The following PCBP3 variants were observed in gnomAD, a reference collection of about 807,000 sequenced individuals.
PCBP3 encodes poly(rC)-binding protein 3.
PCBP3 carries 25 observed loss-of-function variants against 52.7 expected under a neutral mutation model. That is an observed-to-expected ratio of 0.47 (90% CI 0.35 to 0.66). The LOEUF (loss-of-function observed/expected upper bound fraction) is 0.66. Ranked by LOEUF, PCBP3 falls within the 30% of genes least tolerant of loss-of-function variation. The pLI is 0.01. For synonymous variants in PCBP3, 162 were observed against 183.0 expected, an observed-to-expected ratio of 0.89 and a Z score of 0.93; for missense variants, 391 against 490.3, an observed-to-expected ratio of 0.80 and a Z score of 1.91.
Position 45,780,118 on chromosome 21 carries a change from CA to C in PCBP3, c.-126+24667del, listed in dbSNP as rs536959339. 2.4e-4 allele frequency among the ~76,000 whole-genome samples: 37 copies of C among 152,284 alleles called. No individual in the cohort carries two copies. The East Asian group carries it at 3.3e-3, about 13-fold the overall frequency. On this transcript the variant is annotated intron_variant, in intron 4 of 17. Transcript: ENST00000681687. ...GTCATTTATAAAAATTACAGTAGATCAGGAATTTCAATCTCTAAAACTCAAA... is the reference window on the plus strand; with the variant it reads ...GTCATTTATAAAAATTACAGTAGATCGGAATTTCAATCTCTAAAACTCAAA...
chr21:45,889,924 C>T (rs1457423894), intron 5 of PCBP3, among the ~76,000 whole-genome samples: 2 of 152,248 alleles, frequency 1.3e-5, no homozygotes, highest in African/African-American at 2.4e-5. Context: ...AGCGTAGCTC[C>T]GAGACGGAGG....
intron 2 of PCBP3, among the ~76,000 whole-genome samples, chr21:45,685,351 T>A (rs1172368649): frequency 6.6e-6 from 1 of 152,202 alleles, no homozygotes; most frequent in Non-Finnish European, 1.5e-5. Flanking sequence ...AAAGTGTGAA[T>A]GTATTTAATG....
At chr21:45,911,257 G>C (rs1191805312) in intron 11 of PCBP3, 1 of 621,928 alleles carries the variant, frequency 1.6e-6, no homozygotes, top group African/African-American at 1.8e-5. Context: ...GCGTCTAGGG[G>C]AGAGCATGTG....
intron 2 of PCBP3, among the ~76,000 whole-genome samples, chr21:45,683,352 A>G (rs149848488): frequency 7.5e-4 from 114 of 152,334 alleles, no homozygotes; most frequent in African/African-American, 2.7e-3. Context: ...AAGTTCACCT[A>G]TAATTGAGGA....
intron 4 of PCBP3, among the ~76,000 whole-genome samples, chr21:45,792,092 C>T (rs1439476684): frequency 6.6e-6 from 1 of 152,300 alleles, no homozygotes; most frequent in Non-Finnish European, 1.5e-5. Flanking sequence ...GCAGGGCCAC[C>T]CTTCGCAGGG....
chr21:45,866,765 T>C (rs1282997619), intron 5 of PCBP3, among the ~76,000 whole-genome samples: 1 of 152,064 alleles, frequency 6.6e-6, no homozygotes, highest in African/African-American at 2.4e-5. Context: ...TGCCAGAGGC[T>C]CCAGCACCCC....
rs968580903 is a variant in PCBP3, at chr21:45,704,508, C to G, written c.-199-30884C>G. Among the ~76,000 whole-genome samples the G allele has an allele frequency of 2.6e-5, 4 of 152,132 alleles. No homozygotes were observed. The highest frequency in any genetic ancestry group is 9.7e-5 in the African/African-American group (4 of 41,418). On this transcript the variant is annotated intron_variant, in intron 2 of 17. Coordinates refer to ENST00000681687, the MANE Select transcript of PCBP3 (RefSeq NM_001384156.1). The surrounding 1 kb of genome is among the most constrained non-coding windows in gnomAD (Gnocchi z 4.1). ...TCCTGCTCTCCCCTGGCAGAGGCGC[C>G]CCAGGGGGCTCCAGGGGAGTGCTGT...
At chr21:45,678,425 G>A (rs958011594) in intron 2 of PCBP3, among the ~76,000 whole-genome samples, 1 of 152,096 alleles carries the variant, frequency 6.6e-6, no homozygotes, top group Non-Finnish European at 1.5e-5. Context: ...CTTCTGAGAG[G>A]CATTCACCGT....
rs537261697 is a variant in PCBP3, at chr21:45,825,901, A to C, written c.-125-24060A>C. Among the ~76,000 whole-genome samples, 13 of 152,310 alleles carry C rather than the reference A, an allele frequency of 8.5e-5. No individual in the cohort carries two copies. The South Asian group carries it at 2.7e-3, about 32-fold the overall frequency. ...TCCAAATGACTTTTTCCTTATTTTA[A>C]CTATTAGTATTAAAATACATTTACT... On this transcript the variant is annotated intron_variant, in intron 4 of 17. Transcript: ENST00000681687.
chr21:45,886,574 T>C (rs2095529435), intron 5 of PCBP3, among the ~76,000 whole-genome samples: 1 of 137,328 alleles, frequency 7.3e-6, no homozygotes, highest in Non-Finnish European at 1.6e-5. Context: ...GGAGGCCTCA[T>C]TGCCGCTGGT....
intron 4 of PCBP3, among the ~76,000 whole-genome samples, chr21:45,794,228 G>T (rs776793074): frequency 1.1e-4 from 16 of 152,158 alleles, no homozygotes; most frequent in Non-Finnish European, 2.2e-4. Flanking sequence ...CATTGTAAAT[G>T]ATTTACAAGG....
At chr21:45,875,136 G>C (rs1324844434) in intron 5 of PCBP3, among the ~76,000 whole-genome samples, 1 of 152,206 alleles carries the variant, frequency 6.6e-6, no homozygotes, top group Non-Finnish European at 1.5e-5. Flanking sequence ...GCGGCAGCCA[G>C]ACAGGCTGGG....
intron 1 of PCBP3, among the ~76,000 whole-genome samples, chr21:45,664,997 T>C (rs2080699258): frequency 6.6e-6 from 1 of 152,116 alleles, no homozygotes; most frequent in Non-Finnish European, 1.5e-5. Context: ...TGTAGAAATC[T>C]TTCACCTTCA....
chr21:45,683,118 AT>A (rs1325414897), intron 2 of PCBP3, among the ~76,000 whole-genome samples: 1 of 152,190 alleles, frequency 6.6e-6, no homozygotes, highest in African/African-American at 2.4e-5. Flanking sequence ...TAAAAAAAGT[AT>A]TTCAAGAAGG....
intron 5 of PCBP3, among the ~76,000 whole-genome samples, chr21:45,867,447 A>C (rs1474348587): frequency 2.0e-5 from 3 of 152,226 alleles, no homozygotes; most frequent in South Asian, 2.1e-4. Context: ...GTGTGCCGCT[A>C]CGGGGTCCCT....
chr21:45,869,760 C>T (rs533573910), intron 5 of PCBP3, among the ~76,000 whole-genome samples: 2 of 152,312 alleles, frequency 1.3e-5, no homozygotes, highest in South Asian at 2.1e-4. Context: ...CCTGTCCCCT[C>T]GCCACCAACG....
intron 1 of PCBP3, among the ~76,000 whole-genome samples, chr21:45,645,230 C>T (rs920207564): frequency 1.6e-5 from 1 of 62,978 alleles, no homozygotes; most frequent in African/African-American, 7.7e-5. Context: ...GTCTCACTTT[C>T]GAGCAGTATT....
intron 5 of PCBP3, among the ~76,000 whole-genome samples, chr21:45,887,242 A>G (rs1274932763): frequency 1.3e-5 from 2 of 152,234 alleles, no homozygotes; most frequent in African/African-American, 4.8e-5. Flanking sequence ...TTGTGGATAC[A>G]ATATCCAGGC....
chr21:45,663,286 C>G (rs148227965), intron 1 of PCBP3, among the ~76,000 whole-genome samples: 8,162 of 152,078 alleles, frequency 0.054, 486 homozygotes, highest in African/African-American at 0.13. Flanking sequence ...ACCCTGCCCC[C>G]TTGTCTTGTA....
Sources: allele counts gnomAD v4.1 joint callset (sites outside exome capture counted in the v4.1 genomes callset), GRCh38; gene constraint gnomAD v4.1.1; non-coding constraint Gnocchi (gnomAD v3.1); transcripts MANE v1.5; gene names NCBI Gene and HGNC (gene_info 2026-07-23, HGNC 2026-07-21).